Variants in EPB42 observed in about 807,000 individuals in gnomAD.
EPB42 encodes protein 4.2.
A neutral mutation model predicts 76.9 loss-of-function variants in EPB42; 49 were observed. That is an observed-to-expected ratio of 0.64 (90% CI 0.51 to 0.81). The LOEUF is 0.81. EPB42 is among the 30% of genes least tolerant of loss of function. The pLI is 0.00. For missense variants in EPB42, 731 were observed against 867.6 expected (o/e 0.84, Z 1.98); for synonymous variants, 310 against 338.4 (o/e 0.92, Z 0.92).
At position 43,216,319 on chromosome 15, in the gene EPB42, C is replaced by T. The variant is rs1419595907; in HGVS notation, c.145G>A (p.Val49Ile). The T allele has an allele frequency of 1.2e-6, 2 of 1,614,056 alleles. No individual in the cohort carries two copies. Among genetic ancestry groups the T allele is most frequent in the Non-Finnish European group, 1.7e-6 (2 of 1,180,052 alleles). The change falls in exon 2 of 13, where the codon GTC becomes ATC. Residue 49 changes from valine (V) to isoleucine (I), a missense_variant. Val to Ile is a conservative substitution (Grantham distance 29, BLOSUM62 3). Transcript: ENST00000441366. ...TTCAGGGCAGGCAGAAATGCACGGA[C>T]TGGAGCGCGGAAGTACAGGATGATG... ...FTIILYFRAP[V>I]RAFLPALKKV...
In EPB42 at chr15:43,220,974, C is replaced by T; in HGVS notation, c.-149G>A. ...TAAGAATCTGGAAATAGCAAAACCTCCCCCCACTACTCCTGTGAGCACCCT... is the reference window on the plus strand; with the variant it reads ...TAAGAATCTGGAAATAGCAAAACCTTCCCCCACTACTCCTGTGAGCACCCT... On this transcript the variant is annotated 5_prime_UTR_variant, in exon 1 of 13. Coordinates refer to ENST00000441366, the MANE Select transcript of EPB42 (RefSeq NM_001114134.2). 1 of 698,674 alleles carries T rather than the reference C, an allele frequency of 1.4e-6. No homozygotes were observed. The highest frequency in any genetic ancestry group is 2.6e-6 in the Non-Finnish European group (1 of 390,096). The allele number at this position is 698,674 out of a possible 1,614,324, so 43.3% of individuals were successfully genotyped here.
chr15:43,204,964 G>GC (rs34228171), intron 10 of EPB42, among the ~76,000 whole-genome samples: 95,367 of 120,788 alleles, frequency 0.79, 38,263 homozygotes, highest in Non-Finnish European at 0.88. Context: ...TGCCCCCTCC[G>GC]CCCCCCCCCC....
At chr15:43,214,174 G>A (rs544193566) in intron 3 of EPB42, among the ~76,000 whole-genome samples, 148 of 152,352 alleles carry the variant, frequency 9.7e-4, no homozygotes, top group African/African-American at 3.3e-3. Context: ...TTGAAGGTGG[G>A]TGAGATAGAT....
Position 43,215,340 on chromosome 15 carries a change from C to A in EPB42, c.197-12G>T. 6.2e-7 allele frequency: 1 copy of A among 1,613,178 alleles called. No homozygotes were observed. ...GGAAGGCTGCTCTCCTGTAGTCACA[C>A]GGTGATTAGTCTGTCACTGGGACTT... On this transcript the variant is annotated splice_polypyrimidine_tract_variant and intron_variant, in intron 2 of 12. Coordinates refer to ENST00000441366, the MANE Select transcript of EPB42 (RefSeq NM_001114134.2).
upstream of EPB42, among the ~76,000 whole-genome samples, chr15:43,224,875 A>T (rs527999890): frequency 6.6e-6 from 1 of 152,334 alleles, no homozygotes; most frequent in Admixed American, 6.5e-5. Flanking sequence ...CCCTGGGCTC[A>T]AGTGATCCTC....
chr15:43,217,936 A>C (rs2042402395), intron 1 of EPB42, among the ~76,000 whole-genome samples: 1 of 152,196 alleles, frequency 6.6e-6, no homozygotes, highest in South Asian at 2.1e-4. Context: ...TATTTAGGGC[A>C]AAAGAACTGA....
chr15:43,217,685 G>A (rs2042399266), intron 1 of EPB42, among the ~76,000 whole-genome samples: 1 of 152,200 alleles, frequency 6.6e-6, no homozygotes, highest in Non-Finnish European at 1.5e-5. Flanking sequence ...TGCCACAAGA[G>A]AGAAACTATG....
Position 43,197,270 on chromosome 15 carries a change from G to A in EPB42, c.*32C>T. ...GTTTGGTTTAGATTGTAGAACAAGGGTTGGCAGGAGAGTGGTGATAGAGCT... is the reference window on the plus strand; with the variant it reads ...GTTTGGTTTAGATTGTAGAACAAGGATTGGCAGGAGAGTGGTGATAGAGCT... On this transcript the variant is annotated 3_prime_UTR_variant, in exon 13 of 13. Coordinates refer to ENST00000441366, the MANE Select transcript of EPB42 (RefSeq NM_001114134.2). The A allele has an allele frequency of 6.2e-7, 1 of 1,613,992 alleles. No individual in the cohort carries two copies. The highest frequency in any genetic ancestry group is 2.2e-5 in the East Asian group (1 of 44,890).
chr15:43,203,433 T>C (rs2042157138), intron 10 of EPB42, among the ~76,000 whole-genome samples, 158 bp from the exon 11 acceptor site: 1 of 152,076 alleles, frequency 6.6e-6, no homozygotes, highest in African/African-American at 2.4e-5. Context: ...ACTCAAGACC[T>C]CACTCCTCAC....
chr15:43,217,349 C>A (rs2042394915), intron 1 of EPB42, among the ~76,000 whole-genome samples: 3 of 152,098 alleles, frequency 2.0e-5, no homozygotes, highest in South Asian at 2.1e-4. Flanking sequence ...TGAGGCCTCC[C>A]CAGGAGCAGA....
chr15:43,215,411 G>C (rs539266736), intron 2 of EPB42, 83 bp from the exon 3 acceptor site: 17 of 1,455,864 alleles, frequency 1.2e-5, no homozygotes, highest in Non-Finnish European at 9.6e-7. Context: ...TACAAAGATG[G>C]AGCAGGTGAA....
rs546882108 is a variant in EPB42 at position 43,206,586 on chromosome 15, C to T, written c.1362G>A (p.Glu454=). The T allele has an allele frequency of 8.6e-5, 139 of 1,614,214 alleles. 1 individual carries two copies. The South Asian group carries it at 1.5e-3, about 17-fold the overall frequency. The change falls in exon 10 of 13, where the codon GAG becomes GAA. Residue 454 remains glutamate, a synonymous_variant. Coordinates refer to ENST00000441366, the MANE Select transcript of EPB42 (RefSeq NM_001114134.2). The surrounding 1 kb of genome is among the most constrained non-coding windows in gnomAD (Gnocchi z 4.7). The part of the protein sequence containing the change: ...EKEVLERVEK[E]KMEREKDNGI... ...CGTTGTCTTTCTCACGTTCCATTTT[C>T]TCTTTCTCGACTCTCTCCAGCACCT... is the stretch of plus-strand genomic sequence containing the variant.
At chr15:43,219,288 A>G (rs1293162975) in intron 1 of EPB42, among the ~76,000 whole-genome samples, 1 of 152,204 alleles carries the variant, frequency 6.6e-6, no homozygotes, top group Non-Finnish European at 1.5e-5. Context: ...GGAGTAAAAT[A>G]CGTAGGAAGT....
At chr15:43,202,836 G>A (rs1465355706) in intron 11 of EPB42, among the ~76,000 whole-genome samples, 4 of 152,162 alleles carry the variant, frequency 2.6e-5, no homozygotes, top group African/African-American at 4.8e-5. Flanking sequence ...TGTATGAGGT[G>A]CTAAATAAAC....
rs77073021 is a variant in EPB42, at chr15:43,220,212, C to T, written c.10+604G>A. ...CGCTTGCTTCTCCCAGGACACAAAACAGCCAGGCAATTCCCAGGCCAGGAT... is the reference window on the plus strand; with the variant it reads ...CGCTTGCTTCTCCCAGGACACAAAATAGCCAGGCAATTCCCAGGCCAGGAT... On this transcript the variant is annotated intron_variant, in intron 1 of 12. Coordinates refer to ENST00000441366, the MANE Select transcript of EPB42 (RefSeq NM_001114134.2). Among the ~76,000 whole-genome samples, 132 of 152,200 alleles carry T rather than the reference C, an allele frequency of 8.7e-4. 2 individuals carry two copies. The East Asian group carries it at 0.024, about 27-fold the overall frequency.
intron 12 of EPB42, among the ~76,000 whole-genome samples, chr15:43,201,063 C>T (rs894519948): frequency 3.9e-5 from 6 of 152,210 alleles, no homozygotes; most frequent in African/African-American, 1.4e-4. Flanking sequence ...GATCCACCTA[C>T]CTTGGCCTCC....
intron 10 of EPB42, among the ~76,000 whole-genome samples, chr15:43,205,503 G>A (rs1228759603): frequency 1.3e-5 from 2 of 152,124 alleles, no homozygotes; most frequent in Non-Finnish European, 1.5e-5. Context: ...GGGTTCAAGC[G>A]ATTCTCCTGC....
At position 43,206,331 on chromosome 15, in the gene EPB42, C is replaced by G. The variant is rs2042204019; in HGVS notation, c.1617G>C (p.Leu539=). ...TCTGGTGGGGCCATAGAGCATTACC[C>G]AGGTTGGCACTGAGCGTGAGGTGCA... ...KKLHLTLSAN[L]EKIITIGLFF... is the part of the protein sequence containing the mutation. The change falls in exon 10 of 13, where the codon CTG becomes CTC. Residue 539 remains leucine, a splice_region_variant and synonymous_variant. Transcript: ENST00000441366. The surrounding 1 kb of genome is among the most constrained non-coding windows in gnomAD (Gnocchi z 4.7). 6.2e-6 allele frequency: 10 copies of G among 1,607,084 alleles called. No individual in the cohort carries two copies. The highest frequency in any genetic ancestry group is 8.5e-6 in the Non-Finnish European group (10 of 1,174,472).
intron 12 of EPB42, among the ~76,000 whole-genome samples, chr15:43,197,728 C>T (rs1345524970): frequency 1.3e-5 from 2 of 152,196 alleles, no homozygotes; most frequent in Non-Finnish European, 2.9e-5. Context: ...TGACTTCCTT[C>T]TGGTTCAATT....
Sources: gnomAD v4.1 joint callset for allele counts (sites outside exome capture counted in the v4.1 genomes callset) on GRCh38, gnomAD v4.1.1 for gene constraint, Gnocchi (gnomAD v3.1) non-coding constraint, MANE v1.5 for transcripts, NCBI Gene and HGNC (gene_info 2026-07-23, HGNC 2026-07-21) for gene names.